The following GRID2 variants were observed in gnomAD, a reference collection of about 807,000 sequenced individuals.
The protein encoded by GRID2 is glutamate ionotropic receptor delta type subunit 2, also known as glutamate receptor ionotropic, delta-2.
A neutral mutation model predicts 114.8 loss-of-function variants in GRID2; 33 were observed. The ratio of observed to expected loss-of-function variants is 0.29; its 90% CI spans 0.22 to 0.38. The LOEUF (loss-of-function observed/expected upper bound fraction) is 0.38. Ranked by LOEUF, GRID2 falls within the 10% of genes least tolerant of loss-of-function variation. The pLI is 1.00. For synonymous variants in GRID2, 505 were observed against 449.9 expected, an observed-to-expected ratio of 1.12 and a Z score of -1.55; for missense variants, 1,184 against 1,257.7, an observed-to-expected ratio of 0.94 and a Z score of 0.89.
chr4:93,676,751 T>A, intron 14 of GRID2, among the ~76,000 whole-genome samples: 7 of 127,918 alleles, frequency 5.5e-5, no homozygotes, highest in African/African-American at 9.0e-5. Context: ...AAAAAGATAT[T>A]ACAAAAAAAA....
At chr4:92,861,443 A>G (rs1258594337) in intron 2 of GRID2, among the ~76,000 whole-genome samples, 1 of 152,094 alleles carries the variant, frequency 6.6e-6, no homozygotes, top group Non-Finnish European at 1.5e-5. Flanking sequence ...AATTCTATCT[A>G]CCAAAGCAAT....
At chr4:93,202,444 C>G (rs945959644) in intron 4 of GRID2, among the ~76,000 whole-genome samples, 1 of 152,000 alleles carries the variant, frequency 6.6e-6, no homozygotes, top group Non-Finnish European at 1.5e-5. Flanking sequence ...ATTTCAAATA[C>G]GTTCACTGCT....
chr4:92,463,080 C>G (rs1315516931), intron 1 of GRID2, among the ~76,000 whole-genome samples: 4 of 151,910 alleles, frequency 2.6e-5, no homozygotes, highest in African/African-American at 9.7e-5. Context: ...CTGTGAAATG[C>G]TATCATTACA....
At chr4:92,312,634 T>A (rs2110111666) in intron 1 of GRID2, among the ~76,000 whole-genome samples, 1 of 152,150 alleles carries the variant, frequency 6.6e-6, no homozygotes, top group Admixed American at 6.5e-5. Flanking sequence ...AAATTTTGTA[T>A]TAGACATCAA....
At position 93,085,119 on chromosome 4, in the gene GRID2, A is replaced by G; in HGVS notation, c.369A>G (p.Thr123=). 6.2e-7 allele frequency: 1 copy of G among 1,614,142 alleles called. No individual in the cohort carries two copies. The highest frequency in any genetic ancestry group is 8.5e-7 in the Non-Finnish European group (1 of 1,180,014). Residue 123 remains threonine, a synonymous_variant, in exon 3 of 16, where the codon ACA becomes ACG. Transcript: ENST00000282020. ...HIPHLFIQRS[T]AGTPRSGCGL... ...CCCACCTCTTCATTCAGCGCTCAAC[A>G]GCTGGGACCCCAAGGAGTGGCTGTG...
intron 2 of GRID2, among the ~76,000 whole-genome samples, chr4:92,742,734 T>G (rs1166595007): frequency 6.6e-6 from 1 of 152,214 alleles, no homozygotes; most frequent in Non-Finnish European, 1.5e-5. Context: ...CTCAGCCACC[T>G]GAGGAACTTT....
At chr4:92,587,293 T>A (rs1375813736) in intron 1 of GRID2, among the ~76,000 whole-genome samples, 1 of 152,132 alleles carries the variant, frequency 6.6e-6, no homozygotes, top group Non-Finnish European at 1.5e-5. Flanking sequence ...GTTAAGAATG[T>A]TACATTTGAG....
At chr4:93,317,590 T>A (rs1297230939) in intron 8 of GRID2, among the ~76,000 whole-genome samples, 6 of 152,126 alleles carry the variant, frequency 3.9e-5, no homozygotes, top group Non-Finnish European at 7.4e-5. Flanking sequence ...TAGAGTTTCT[T>A]TCAGAAATTT....
intron 2 of GRID2, among the ~76,000 whole-genome samples, chr4:92,652,244 C>T (rs1435765758): frequency 6.6e-6 from 1 of 151,972 alleles, no homozygotes; most frequent in African/African-American, 2.4e-5. Flanking sequence ...CTTCTTTACT[C>T]GGTCTACTGA....
chr4:93,592,513 C>T (rs1738487630), intron 13 of GRID2, among the ~76,000 whole-genome samples: 1 of 152,040 alleles, frequency 6.6e-6, no homozygotes, highest in South Asian at 2.1e-4. Flanking sequence ...TGGTGTGGTG[C>T]TGAAAAAAAT....
chr4:93,206,094 G>GACA (rs1560984845), intron 4 of GRID2, among the ~76,000 whole-genome samples: 1 of 151,598 alleles, frequency 6.6e-6, no homozygotes, highest in East Asian at 1.9e-4. Context: ...AATTAAAAAT[G>GACA]ATAATAATAA....
intron 11 of GRID2, among the ~76,000 whole-genome samples, chr4:93,467,012 A>G (rs1423460082): frequency 6.6e-6 from 1 of 152,214 alleles, no homozygotes; most frequent in African/African-American, 2.4e-5. Flanking sequence ...AGAAAGATAT[A>G]AAGAATCTTG....
At chr4:93,464,335 ATT>A (rs1434629905) in intron 11 of GRID2, among the ~76,000 whole-genome samples, 5 of 152,152 alleles carry the variant, frequency 3.3e-5, no homozygotes, top group Non-Finnish European at 5.9e-5. Flanking sequence ...TGATGGCTAT[ATT>A]TTTTAAAGCA....
In GRID2 at chr4:93,527,348, C is replaced by T. The variant is rs184200292; in HGVS notation, c.2193+11937C>T. On this transcript the variant is annotated intron_variant, in intron 13 of 15. Transcript: ENST00000282020. ...AATCCTTTAGGGCTCTGCTATCTGG[C>T]GCCAGCTTTGCCTAGGAGATAATAA... Among the ~76,000 whole-genome samples, 16 of 152,114 alleles carry T rather than the reference C, an allele frequency of 1.1e-4. No homozygotes were observed. In the East Asian group the frequency reaches 1.2e-3, roughly 11 times the overall value.
intron 4 of GRID2, among the ~76,000 whole-genome samples, chr4:93,114,334 C>G (rs1733039640): frequency 6.6e-6 from 1 of 152,134 alleles, no homozygotes; most frequent in African/African-American, 2.4e-5. Flanking sequence ...ATGATCTTAA[C>G]TTCTCACCTT....
intron 2 of GRID2, among the ~76,000 whole-genome samples, chr4:92,915,517 A>G (rs560231136): frequency 2.0e-5 from 3 of 152,230 alleles, no homozygotes; most frequent in African/African-American, 7.2e-5. Flanking sequence ...GATTATGGGA[A>G]TTGCAATTCA....
chr4:93,042,295 CTCTCTATATA>C (rs1214203990), intron 2 of GRID2, among the ~76,000 whole-genome samples: 153 of 95,170 alleles, frequency 1.6e-3, no homozygotes, highest in African/African-American at 5.5e-3. Context: ...CTCTCTCTCT[CTCTCTATATA>C]TATATATATA....
chr4:92,885,691 G>C (rs1288809851), intron 2 of GRID2, among the ~76,000 whole-genome samples: 2 of 151,956 alleles, frequency 1.3e-5, no homozygotes, highest in Non-Finnish European at 2.9e-5. Flanking sequence ...CTTTTTGATT[G>C]ATAGTCAGTT....
intron 1 of GRID2, among the ~76,000 whole-genome samples, chr4:92,364,350 G>A (rs1270675670): frequency 6.6e-6 from 1 of 151,976 alleles, no homozygotes; most frequent in African/African-American, 2.4e-5. Context: ...ACCAGAACAC[G>A]TGTAAAAATA....
Sources: allele counts gnomAD v4.1 joint callset (sites outside exome capture counted in the v4.1 genomes callset), GRCh38; gene constraint gnomAD v4.1.1; transcripts MANE v1.5; gene names NCBI Gene and HGNC (gene_info 2026-07-23, HGNC 2026-07-21).